PIK3CB: variants seen among roughly 807,000 people sequenced by gnomAD.
PIK3CB encodes the protein phosphatidylinositol-4,5-bisphosphate 3-kinase catalytic subunit beta.
A neutral mutation model predicts 136.8 loss-of-function variants in PIK3CB; 39 were observed. That is an observed-to-expected ratio of 0.29 (90% CI 0.22 to 0.37). The LOEUF (loss-of-function observed/expected upper bound fraction) is 0.37. PIK3CB is among the 10% of genes least tolerant of loss of function. The probability of loss-of-function intolerance (pLI) is 1.00; values close to 1 mark genes in which losing one functional copy is unlikely to be tolerated. For missense variants in PIK3CB, 868 were observed against 1,275.4 expected, an observed-to-expected ratio of 0.68 and a Z score of 4.87; for synonymous variants, 428 against 436.6, an observed-to-expected ratio of 0.98 and a Z score of 0.25.
chr3:138,778,754 G>T, intron 2 of PIK3CB: 1 of 274,664 alleles, frequency 3.6e-6, no homozygotes, highest in South Asian at 4.3e-5. Context: ...TTCCTGGTAT[G>T]ACAATGAATT....
chr3:138,772,188 C>T (rs529798395), intron 2 of PIK3CB, among the ~76,000 whole-genome samples: 30 of 152,084 alleles, frequency 2.0e-4, no homozygotes, highest in Admixed American at 1.2e-3. Flanking sequence ...CTAATATACA[C>T]ATTAGAATTA....
chr3:138,713,964 A>C (rs1242774221), intron 9 of PIK3CB, among the ~76,000 whole-genome samples: 1 of 152,234 alleles, frequency 6.6e-6, no homozygotes, highest in South Asian at 2.1e-4. Flanking sequence ...TGATAGTCAC[A>C]TTTAGTGTGA....
intron 23 of PIK3CB, 50 bp downstream of exon 23, chr3:138,656,092 T>C: frequency 6.3e-7 from 1 of 1,598,202 alleles, no homozygotes; most frequent in Non-Finnish European, 8.6e-7. Context: ...CAGCTAAAAC[T>C]GAGCTCAATG....
At chr3:138,661,490 T>G (rs2043295088) in intron 21 of PIK3CB, among the ~76,000 whole-genome samples, 1 of 152,250 alleles carries the variant, frequency 6.6e-6, no homozygotes, top group South Asian at 2.1e-4. Context: ...CACTGTGGCC[T>G]ATTTTCCTAT....
intron 1 of PIK3CB, chr3:138,825,750 TG>T: frequency 1.4e-6 from 1 of 711,112 alleles, no homozygotes; most frequent in South Asian, 1.6e-5. Context: ...AAGTGGAGAC[TG>T]GTGTTCTCAA....
chr3:138,757,274 T>G lies in PIK3CB; in HGVS notation c.172-1295A>C, dbSNP rs986519545. On this transcript the variant is annotated intron_variant, in intron 3 of 23. Transcript: ENST00000674063. Reference sequence around the variant, plus strand: ...CAAAAATTAGCTGGGCATGGTGGTGTGCACCTATAGTCCCAGCTACTCAGG... The same window carrying G: ...CAAAAATTAGCTGGGCATGGTGGTGGGCACCTATAGTCCCAGCTACTCAGG... Among the ~76,000 whole-genome samples the G allele has an allele frequency of 5.9e-5, 9 of 151,876 alleles. 1 individual carries two copies. Among genetic ancestry groups the G allele is most frequent in the Admixed American group, 5.9e-4 (9 of 15,224 alleles).
At chr3:138,721,555 A>T (rs2044726777) in intron 8 of PIK3CB, among the ~76,000 whole-genome samples, 5 of 152,236 alleles carry the variant, frequency 3.3e-5, no homozygotes, top group Admixed American at 2.0e-4. Context: ...CTTTAAATGA[A>T]CACAACAAAG....
At chr3:138,788,816 T>C (rs1407824517) in intron 2 of PIK3CB, among the ~76,000 whole-genome samples, 2 of 150,558 alleles carry the variant, frequency 1.3e-5, no homozygotes, top group East Asian at 2.0e-4. Flanking sequence ...TACAAAAAAT[T>C]AGCTGGGCAT....
At chr3:138,809,193 G>A (rs534866468) in intron 1 of PIK3CB, among the ~76,000 whole-genome samples, 4 of 150,926 alleles carry the variant, frequency 2.7e-5, no homozygotes, top group African/African-American at 7.3e-5. Context: ...CAGGAGAATC[G>A]TTTGAACCCG....
chr3:138,775,966 G>A (rs771029256), intron 2 of PIK3CB, among the ~76,000 whole-genome samples: 9 of 152,206 alleles, frequency 5.9e-5, no homozygotes, highest in Non-Finnish European at 1.2e-4. Context: ...GGGAGGCTGA[G>A]GTGGGTGGAT....
At chr3:138,817,992 T>C (rs765087538) in intron 1 of PIK3CB, among the ~76,000 whole-genome samples, 5 of 151,954 alleles carry the variant, frequency 3.3e-5, no homozygotes, top group Non-Finnish European at 5.9e-5. Flanking sequence ...TAATTGAGCT[T>C]AAGTCAAGAT....
In PIK3CB at chr3:138,821,621, C is replaced by T. The variant is rs556211286; in HGVS notation, c.-122+13074G>A. ...CCAACATGGTAAAACCCCACCTCTA[C>T]TAAAAACACAAAAATTAGCTGGGAG... On this transcript the variant is annotated intron_variant, in intron 1 of 23. Coordinates refer to ENST00000674063, the MANE Select transcript of PIK3CB (RefSeq NM_006219.3). Among the ~76,000 whole-genome samples, 485 of 151,904 alleles carry T rather than the reference C, an allele frequency of 3.2e-3. 6 individuals are homozygous for T. Among genetic ancestry groups the T allele is most frequent in the African/African-American group, 9.9e-3 (411 of 41,402 alleles).
At chr3:138,657,363 T>C (rs532285624) in intron 22 of PIK3CB, 1 of 216,680 alleles carries the variant, frequency 4.6e-6, no homozygotes, top group South Asian at 8.2e-5. Flanking sequence ...CTTACTGTAC[T>C]CCATACACAA....
chr3:138,784,674 G>A (rs1244704981), intron 2 of PIK3CB, among the ~76,000 whole-genome samples: 1 of 152,198 alleles, frequency 6.6e-6, no homozygotes, highest in Non-Finnish European at 1.5e-5. Context: ...CGAGTGATCT[G>A]CCCGCATGGG....
chr3:138,711,587 AAAAAAAAAAAAAAAAG>A (rs1248160243), intron 10 of PIK3CB, among the ~76,000 whole-genome samples: 3 of 151,080 alleles, frequency 2.0e-5, no homozygotes, highest in Non-Finnish European at 3.0e-5. Context: ...CGCAAAAAAA[AAAAAAAAAAAAAAAAG>A]AAGTTTAGTC....
chr3:138,828,160 T>C (rs1033066343), intron 1 of PIK3CB, among the ~76,000 whole-genome samples: 6 of 151,824 alleles, frequency 4.0e-5, no homozygotes, highest in African/African-American at 1.5e-4. Context: ...CCTACATTTA[T>C]TCATTCAACA....
At position 138,793,592 on chromosome 3, in the gene PIK3CB, C is replaced by T. The variant is rs990496189; in HGVS notation, c.-17+2871G>A. 5.5e-5 allele frequency among the ~76,000 whole-genome samples: 8 copies of T among 146,082 alleles called. No individual in the cohort carries two copies. The East Asian group carries it at 1.4e-3, about 26-fold the overall frequency. ...TTGCACTCCAGCCTGGGCGTTGCAG[C>T]GAGACTCTGGCTCAAAAAAAAAAAA... On this transcript the variant is annotated intron_variant, in intron 2 of 23. Coordinates refer to ENST00000674063, the MANE Select transcript of PIK3CB (RefSeq NM_006219.3).
chr3:138,675,784 T>C (rs950835388), intron 19 of PIK3CB, among the ~76,000 whole-genome samples: 11 of 152,142 alleles, frequency 7.2e-5, no homozygotes, highest in African/African-American at 2.4e-4. Context: ...TTCTTCCTGG[T>C]TTCAAAACTT....
chr3:138,777,506 A>C (rs1245142318), intron 2 of PIK3CB, among the ~76,000 whole-genome samples: 1 of 152,128 alleles, frequency 6.6e-6, no homozygotes, highest in African/African-American at 2.4e-5. Flanking sequence ...AGAAGCCTTC[A>C]ATGACTCCAT....
Sources: allele counts gnomAD v4.1 joint callset (sites outside exome capture counted in the v4.1 genomes callset), GRCh38; gene constraint gnomAD v4.1.1; transcripts MANE v1.5; gene names NCBI Gene and HGNC (gene_info 2026-07-23, HGNC 2026-07-21).